Variants in ACCSL observed in about 807,000 individuals in gnomAD.
The protein encoded by ACCSL is 1-aminocyclopropane-1-carboxylate synthase homolog (inactive) like, also known as probable inactive 1-aminocyclopropane-1-carboxylate synthase-like protein 2.
In ACCSL, 55 loss-of-function variants were observed where a neutral mutation model predicts 61.7. The observed-to-expected ratio is 0.89, with a 90% CI of 0.72 to 1.12. ACCSL has a LOEUF of 1.12. Among genes scored for constraint, ACCSL ranks in the 50% most tolerant of loss-of-function variants. The probability of loss-of-function intolerance (pLI) is 0.00; values close to 1 mark genes in which losing one functional copy is unlikely to be tolerated. For synonymous variants in ACCSL, 258 were observed against 264.3 expected, an observed-to-expected ratio of 0.98 and a Z score of 0.23; for missense variants, 632 against 698.0, an observed-to-expected ratio of 0.91 and a Z score of 1.07.
At chr11:43,965,997 G>A in the ACCSL span, among the ~76,000 whole-genome samples, 2,070 of 152,242 alleles carry the variant, frequency 0.014, 43 homozygotes, top group African/African-American at 0.048. Context: ...AGCTAAAGCC[G>A]TAAAACTCCT....
upstream of ACCSL, among the ~76,000 whole-genome samples, chr11:44,043,147 A>T (rs114355506): frequency 0.079 from 11,943 of 152,066 alleles, 479 homozygotes; most frequent in Non-Finnish European, 0.09. Context: ...CTACATTTTA[A>T]ATCTATTTAA....
the ACCSL span, among the ~76,000 whole-genome samples, chr11:44,014,942 A>G: frequency 0.069 from 10,474 of 152,274 alleles, 747 homozygotes; most frequent in African/African-American, 0.18. Flanking sequence ...ACCCAGGGCC[A>G]GTGGCGGCCT....
At chr11:44,050,844 T>C (rs1410186317) in intron 3 of ACCSL, among the ~76,000 whole-genome samples, 1 of 149,178 alleles carries the variant, frequency 6.7e-6, no homozygotes, top group East Asian at 1.9e-4. Context: ...TGAGTTCTTT[T>C]TTTTTTTTTT....
chr11:44,056,456 G>A, intron 11 of ACCSL, 130 bp downstream of exon 11: 1 of 1,271,832 alleles, frequency 7.9e-7, no homozygotes, highest in Non-Finnish European at 1.1e-6. Flanking sequence ...ATTTAACTGT[G>A]GTAAGATGTG....
chr11:43,952,398 T>G, the ACCSL span, among the ~76,000 whole-genome samples: 1 of 152,304 alleles, frequency 6.6e-6, no homozygotes, highest in Non-Finnish European at 1.5e-5. Flanking sequence ...AATTTCTGCC[T>G]CCAAAGAAAG....
chr11:43,977,972 G>A, the ACCSL span, among the ~76,000 whole-genome samples: 3 of 149,990 alleles, frequency 2.0e-5, no homozygotes, highest in Non-Finnish European at 4.4e-5. Context: ...CGGATGGGAA[G>A]AGTCCTTCCT....
chr11:44,008,410 C>T, the ACCSL span, among the ~76,000 whole-genome samples: 22 of 152,312 alleles, frequency 1.4e-4, no homozygotes, highest in Non-Finnish European at 2.2e-4. Flanking sequence ...TTTATCTCTC[C>T]GGGACCTCCC....
At chr11:44,058,897 T>G (rs563104519) in intron 13 of ACCSL, among the ~76,000 whole-genome samples, 198 bp downstream of exon 13, 2 of 152,172 alleles carry the variant, frequency 1.3e-5, no homozygotes, top group Admixed American at 6.5e-5. Flanking sequence ...CCATTTGGGG[T>G]ATCTGTTCTG....
the ACCSL span, among the ~76,000 whole-genome samples, chr11:43,980,847 C>T: frequency 9.5e-3 from 1,362 of 143,150 alleles, 21 homozygotes; most frequent in African/African-American, 0.033. Flanking sequence ...ATGGGGTAAG[C>T]GCTATTATCA....
At chr11:43,983,381 T>C in the ACCSL span, among the ~76,000 whole-genome samples, 1 of 152,208 alleles carries the variant, frequency 6.6e-6, no homozygotes, top group Non-Finnish European at 1.5e-5. Flanking sequence ...AAATATTTAC[T>C]GAGCACCTAC....
chr11:43,974,582 T>A, the ACCSL span, among the ~76,000 whole-genome samples: 2 of 152,160 alleles, frequency 1.3e-5, no homozygotes, highest in Non-Finnish European at 2.9e-5. Context: ...GTGGCACCAT[T>A]CAATCCCCAA....
chr11:43,928,209 G>A, the ACCSL span, among the ~76,000 whole-genome samples: 232 of 152,278 alleles, frequency 1.5e-3, no homozygotes, highest in Non-Finnish European at 2.9e-3. Context: ...GTAGGAGCTG[G>A]CTTGGGCAGA....
At chr11:44,051,268 G>T in intron 3 of ACCSL, 67 bp from the exon 4 acceptor site, 1 of 1,528,968 alleles carries the variant, frequency 6.5e-7, no homozygotes, top group South Asian at 1.1e-5. Flanking sequence ...GCTGGACAAT[G>T]ACCATCTAGA....
At chr11:43,942,994 G>A in the ACCSL span, 7 of 1,504,878 alleles carry the variant, frequency 4.7e-6, no homozygotes, top group South Asian at 3.8e-5. Context: ...ACGAGTTCCC[G>A]CAGCCCGTGC....
At chr11:43,952,109 A>C in the ACCSL span, among the ~76,000 whole-genome samples, 1 of 150,156 alleles carries the variant, frequency 6.7e-6, no homozygotes, top group Non-Finnish European at 1.5e-5. Flanking sequence ...ATATATGTGC[A>C]GGTTTCTTAC....
chr11:44,019,602 C>T, the ACCSL span, among the ~76,000 whole-genome samples: 1 of 152,158 alleles, frequency 6.6e-6, no homozygotes, highest in East Asian at 1.9e-4. Flanking sequence ...GGTTATTTGT[C>T]TTGTTATTAC....
the ACCSL span, among the ~76,000 whole-genome samples, chr11:43,967,167 CTTTTTTTTTTTT>C: frequency 1.6e-5 from 1 of 62,694 alleles, no homozygotes; most frequent in Admixed American, 2.7e-4. Flanking sequence ...TCTTCTTCTT[CTTTTTTTTTTTT>C]TTTTTTTTTT....
the ACCSL span, among the ~76,000 whole-genome samples, chr11:43,924,362 G>A: frequency 6.6e-6 from 1 of 152,226 alleles, no homozygotes; most frequent in Non-Finnish European, 1.5e-5. Flanking sequence ...CAGCCTGGGT[G>A]GTAGGAGCGC....
the ACCSL span, chr11:43,945,052 A>C: frequency 6.6e-6 from 1 of 152,466 alleles, no homozygotes; most frequent in Non-Finnish European, 1.5e-5. Context: ...CAAAGAAACA[A>C]AAATGGAACT....
Sources: allele counts gnomAD v4.1 joint callset (sites outside exome capture counted in the v4.1 genomes callset), GRCh38; gene constraint gnomAD v4.1.1; transcripts MANE v1.5; gene names NCBI Gene and HGNC (gene_info 2026-07-23, HGNC 2026-07-21).